The following CREB3L2 variants were observed in gnomAD, a reference collection of about 807,000 sequenced individuals.
CREB3L2 encodes the protein cAMP responsive element binding protein 3 like 2.
A neutral mutation model predicts 57.2 loss-of-function variants in CREB3L2; 23 were observed. That is an observed-to-expected ratio of 0.40 (90% CI 0.29 to 0.57). The LOEUF is 0.57. Among genes scored for constraint, CREB3L2 ranks in the 20% least tolerant of loss-of-function variants. The pLI, the probability that CREB3L2 is intolerant of heterozygous loss-of-function variation, is 0.42. For synonymous variants in CREB3L2, 268 were observed against 265.1 expected (o/e 1.01, Z -0.11); for missense variants, 628 against 634.7 (o/e 0.99, Z 0.11).
At chr7:137,892,861 C>T (rs1789465757) in intron 8 of CREB3L2, among the ~76,000 whole-genome samples, 2 of 151,582 alleles carry the variant, frequency 1.3e-5, no homozygotes, top group Admixed American at 1.3e-4. Flanking sequence ...AGGGAGGTGG[C>T]GGGATACAAT....
At chr7:137,910,552 A>T (rs1026337666) in intron 4 of CREB3L2, among the ~76,000 whole-genome samples, 4 of 152,128 alleles carry the variant, frequency 2.6e-5, no homozygotes, top group African/African-American at 9.7e-5. Context: ...ATGGCACTTC[A>T]TGGTTTAAAA....
chr7:137,967,904 G>A (rs1317038821), intron 1 of CREB3L2, among the ~76,000 whole-genome samples: 1 of 152,154 alleles, frequency 6.6e-6, no homozygotes, highest in Non-Finnish European at 1.5e-5. Flanking sequence ...ACTGTTGACT[G>A]AGCACCACCG....
chr7:137,887,373 G>A (rs190212902), intron 8 of CREB3L2, among the ~76,000 whole-genome samples: 3 of 145,844 alleles, frequency 2.1e-5, no homozygotes, highest in Non-Finnish European at 4.4e-5. Flanking sequence ...GGGTGAATTG[G>A]AGCAGCCCTC....
intron 1 of CREB3L2, among the ~76,000 whole-genome samples, chr7:137,974,053 T>A (rs907255911): frequency 1.9e-5 from 2 of 102,822 alleles, no homozygotes; most frequent in African/African-American, 1.3e-4. Flanking sequence ...CATCTGCTCT[T>A]TAAAAAAAAA....
rs558418878 is a variant in CREB3L2 at position 137,963,515 on chromosome 7, C to A, written c.103-35149G>T. ...CATCAATCTTTCTAGCTTCTGGATA[C>A]ATTATTTTAAATTCTGAGCAAAATG... On this transcript the variant is annotated intron_variant, in intron 1 of 11. Coordinates refer to ENST00000330387, the MANE Select transcript of CREB3L2 (RefSeq NM_194071.4). 3.9e-5 allele frequency among the ~76,000 whole-genome samples: 6 copies of A among 152,310 alleles called. 1 individual carries two copies. In the South Asian group the frequency reaches 1.2e-3, roughly 32 times the overall value.
chr7:137,941,086 G>A (rs1585645709), intron 1 of CREB3L2, among the ~76,000 whole-genome samples: 1 of 152,160 alleles, frequency 6.6e-6, no homozygotes, highest in East Asian at 1.9e-4. Flanking sequence ...ACATACCAGG[G>A]GATCTTAGCC....
At chr7:137,977,621 G>C (rs1247404729) in intron 1 of CREB3L2, among the ~76,000 whole-genome samples, 4 of 152,112 alleles carry the variant, frequency 2.6e-5, no homozygotes, top group Non-Finnish European at 1.5e-5. Flanking sequence ...ATCTTGTTTT[G>C]TTTAAAAAGA....
intron 4 of CREB3L2, among the ~76,000 whole-genome samples, chr7:137,912,575 A>G (rs79178598): frequency 7.2e-4 from 109 of 152,322 alleles, no homozygotes; most frequent in African/African-American, 2.5e-3. Flanking sequence ...AATTTACTTC[A>G]CAAAGAGTTG....
In CREB3L2 at chr7:137,914,090, G is replaced by A. The variant is rs1239417114; in HGVS notation, c.496-1012C>T. Among the ~76,000 whole-genome samples the A allele has an allele frequency of 2.6e-5, 4 of 151,614 alleles. 1 individual carries two copies. The East Asian group carries it at 7.7e-4, about 29-fold the overall frequency. On this transcript the variant is annotated intron_variant, in intron 3 of 11. Coordinates refer to ENST00000330387, the MANE Select transcript of CREB3L2 (RefSeq NM_194071.4). Reference sequence around the variant, plus strand: ...CAAAGGCCTCCACCAGCTTGCCCTGGGGTAGGGACTGTGCACCAAGCCACA... The same window carrying A: ...CAAAGGCCTCCACCAGCTTGCCCTGAGGTAGGGACTGTGCACCAAGCCACA...
At chr7:137,902,858 C>G (rs1225811625) in intron 7 of CREB3L2, among the ~76,000 whole-genome samples, 1 of 151,690 alleles carries the variant, frequency 6.6e-6, no homozygotes, top group Non-Finnish European at 1.5e-5. Flanking sequence ...ACTCTATCAT[C>G]AAGGCTATAG....
chr7:137,973,348 T>C (rs1371103129), intron 1 of CREB3L2, among the ~76,000 whole-genome samples: 1 of 151,908 alleles, frequency 6.6e-6, no homozygotes, highest in African/African-American at 2.4e-5. Flanking sequence ...CTAAAGTTGA[T>C]CAAGTTTAAC....
intron 1 of CREB3L2, among the ~76,000 whole-genome samples, chr7:137,963,324 A>G (rs890210454): frequency 2.1e-4 from 32 of 152,366 alleles, no homozygotes; most frequent in Non-Finnish European, 4.4e-4. Flanking sequence ...GGATCTCTTT[A>G]ATAACCAGCT....
intron 5 of CREB3L2, among the ~76,000 whole-genome samples, chr7:137,906,298 C>T (rs1356001528): frequency 6.6e-6 from 1 of 152,160 alleles, no homozygotes; most frequent in African/African-American, 2.4e-5. Flanking sequence ...TCAATTCTCT[C>T]CTCCACTTTT....
At chr7:137,882,964 G>A (rs991494145) in intron 10 of CREB3L2, among the ~76,000 whole-genome samples, 1 of 152,142 alleles carries the variant, frequency 6.6e-6, no homozygotes, top group African/African-American at 2.4e-5. Flanking sequence ...AATGGGAGTG[G>A]AATACTTGGA....
At chr7:137,970,642 C>T (rs1801491091) in intron 1 of CREB3L2, among the ~76,000 whole-genome samples, 1 of 152,210 alleles carries the variant, frequency 6.6e-6, no homozygotes, top group African/African-American at 2.4e-5. Flanking sequence ...ATCTTCAAAA[C>T]AGATTCCTTC....
At position 137,904,001 on chromosome 7, in the gene CREB3L2, C is replaced by T; in HGVS notation, c.932G>A (p.Ser311Asn). Reference sequence around the variant, plus strand: ...CATGTATTCTTTCTTCTTTCTCCTACTTTCCTGAGCAGAAATCTGAGAGAG... The same window carrying T: ...CATGTATTCTTTCTTCTTTCTCCTATTTTCCTGAGCAGAAATCTGAGAGAG... ...KIKNKISAQE[S>N]RRKKKEYMDS... Residue 311 changes from serine (S) to asparagine (N), a missense_variant, in exon 7 of 12, where the codon AGT becomes AAT. This residue lies in a region of CREB3L2 where 17 missense variants were observed against 36.6 expected (regional missense o/e 0.46). Transcript: ENST00000330387. The T allele has an allele frequency of 6.2e-7, 1 of 1,613,650 alleles. No individual in the cohort carries two copies. The highest frequency in any genetic ancestry group is 8.5e-7 in the Non-Finnish European group (1 of 1,179,528).
Position 137,950,933 on chromosome 7 carries a change from T to C in CREB3L2, c.103-22567A>G, listed in dbSNP as rs543073189. On this transcript the variant is annotated intron_variant, in intron 1 of 11. Transcript: ENST00000330387. ...TACACTGATCCTCACTATTCACAGA[T>C]TCCATATTTCTGAATTGTGTCTAAT... Among the ~76,000 whole-genome samples, 51 of 152,324 alleles carry C rather than the reference T, an allele frequency of 3.3e-4. No individual in the cohort carries two copies. The South Asian group carries it at 4.6e-3, about 14-fold the overall frequency.
chr7:137,933,952 A>G (rs1800721202), intron 1 of CREB3L2: 4 of 152,264 alleles, frequency 2.6e-5, no homozygotes. Flanking sequence ...CAGAGAAAGG[A>G]GCAAAGTGAG....
chr7:137,965,862 C>T (rs1801398995), intron 1 of CREB3L2, among the ~76,000 whole-genome samples: 1 of 152,216 alleles, frequency 6.6e-6, no homozygotes, highest in Admixed American at 6.5e-5. Flanking sequence ...CTAGCCTCCT[C>T]CTCTAGGGCA....
Sources: gnomAD v4.1 joint callset for allele counts (sites outside exome capture counted in the v4.1 genomes callset) on GRCh38, gnomAD v4.1.1 for gene constraint, gnomAD v4.1.1 regional missense constraint, MANE v1.5 for transcripts, NCBI Gene and HGNC (gene_info 2026-07-23, HGNC 2026-07-21) for gene names.